JMJD1C: variants seen among roughly 807,000 people sequenced by gnomAD.
The protein encoded by JMJD1C is jumonji domain-containing protein 1C.
In JMJD1C, 31 loss-of-function variants were observed where a neutral mutation model predicts 245.3. The observed-to-expected ratio is 0.13, with a 90% confidence interval of 0.09 to 0.17. The LOEUF (loss-of-function observed/expected upper bound fraction) is 0.17, where lower values mean the gene tolerates loss of function less well. Ranked by LOEUF, JMJD1C falls within the 10% of genes least tolerant of loss-of-function variation. The pLI is 1.00. For synonymous variants in JMJD1C, 1,057 were observed against 1,017.4 expected (o/e 1.04, Z -0.74); for missense variants, 2,691 against 3,000.2 (o/e 0.90, Z 2.41).
chr10:63,442,786 T>C (rs1221882499), intron 1 of JMJD1C, among the ~76,000 whole-genome samples: 1 of 152,240 alleles, frequency 6.6e-6, no homozygotes, highest in Non-Finnish European at 1.5e-5. Context: ...CATTTTCATA[T>C]TGTTCCTTCT....
At position 63,358,321 on chromosome 10, in the gene JMJD1C, A is replaced by G. The variant is rs1409062231; in HGVS notation, c.333+21997T>C. ...TCCTGAGAAATCTAAACATTCTGTTAAATTCTAGTAAATGGCAACTAATTG... is the reference window on the plus strand; with the variant it reads ...TCCTGAGAAATCTAAACATTCTGTTGAATTCTAGTAAATGGCAACTAATTG... On this transcript the variant is annotated intron_variant, in intron 2 of 25. Coordinates refer to ENST00000399262, the MANE Select transcript of JMJD1C (RefSeq NM_032776.3). 9.2e-5 allele frequency among the ~76,000 whole-genome samples: 14 copies of G among 152,316 alleles called. No homozygotes were observed. In the East Asian group the frequency reaches 2.3e-3, roughly 25 times the overall value.
In JMJD1C at chr10:63,301,533, A is replaced by C. The variant is rs192758400; in HGVS notation, c.334-36769T>G. 7.4e-4 allele frequency among the ~76,000 whole-genome samples: 113 copies of C among 152,368 alleles called. No individual in the cohort carries two copies. In the Middle Eastern group the frequency reaches 0.027, roughly 37 times the overall value. ...AGTTCACAAATAAAACAAATGGCTA[A>C]TCATTCTCAGCAAACTAACACAGGA... is the stretch of plus-strand genomic sequence containing the variant. On this transcript the variant is annotated intron_variant, in intron 2 of 25. Coordinates refer to ENST00000399262, the MANE Select transcript of JMJD1C (RefSeq NM_032776.3).
At chr10:63,421,376 C>G (rs192058673) in intron 1 of JMJD1C, among the ~76,000 whole-genome samples, 1 of 152,016 alleles carries the variant, frequency 6.6e-6, no homozygotes, top group African/African-American at 2.4e-5. Flanking sequence ...CTATATAGAG[C>G]AAAGCAAGAA....
At chr10:63,422,828 A>C (rs1950201173) in intron 1 of JMJD1C, among the ~76,000 whole-genome samples, 1 of 152,236 alleles carries the variant, frequency 6.6e-6, no homozygotes, top group African/African-American at 2.4e-5. Context: ...AAAGGTATTC[A>C]CATGTACTTT....
chr10:63,478,613 G>C (rs1953733316), intron 1 of JMJD1C, among the ~76,000 whole-genome samples: 1 of 152,142 alleles, frequency 6.6e-6, no homozygotes, highest in African/African-American at 2.4e-5. Flanking sequence ...AGGGAAGAGG[G>C]GCATAGGAGA....
Position 63,207,176 on chromosome 10 carries a change from T to C in JMJD1C, c.4493A>G (p.Asn1498Ser), listed in dbSNP as rs1846729034. 2 of 1,614,074 alleles carry C rather than the reference T, an allele frequency of 1.2e-6. No homozygotes were observed. Among genetic ancestry groups the C allele is most frequent in the South Asian group, 1.1e-5 (1 of 91,086 alleles). The change falls in exon 10 of 26, where the codon AAT (asparagine) becomes AGT (serine). Residue 1498 changes from asparagine to serine, a missense_variant. This residue lies in a region of JMJD1C where 1,562 missense variants were observed against 1,490.7 expected (regional missense o/e 1.05). Transcript: ENST00000399262. ...AGCATTAGGTTCAGTCTCACTGGCA[T>C]TACTACTTTTATACTGAGCTGCAGC... ...ALAAAQYKSSNASETEPNAIK... is the reference protein window; with the variant it reads ...ALAAAQYKSSSASETEPNAIK...
At chr10:63,337,811 G>A (rs905524262) in intron 2 of JMJD1C, among the ~76,000 whole-genome samples, 4 of 151,954 alleles carry the variant, frequency 2.6e-5, no homozygotes, top group South Asian at 2.1e-4. Context: ...CCAGAGGTAA[G>A]GTATATTTAG....
rs57512471 is a variant in JMJD1C at position 63,405,749 on chromosome 10, T to C, written c.169-25267A>G. On this transcript the variant is annotated intron_variant, in intron 1 of 25. Coordinates refer to ENST00000399262, the MANE Select transcript of JMJD1C (RefSeq NM_032776.3). The stretch of plus-strand genomic sequence containing the variant: ...AAGAAAATGCAGCAGACATTTCCTG[T>C]GAAAGTAGTAACTCTAGTAGTAAAA... Among the ~76,000 whole-genome samples, 594 of 152,306 alleles carry C rather than the reference T, an allele frequency of 3.9e-3. 6 individuals are homozygous for C. The highest frequency in any genetic ancestry group is 0.014 in the African/African-American group (574 of 41,548).
chr10:63,461,335 T>C (rs147410897), intron 1 of JMJD1C, among the ~76,000 whole-genome samples: 1 of 152,268 alleles, frequency 6.6e-6, no homozygotes, highest in African/African-American at 2.4e-5. Context: ...ATTCAACATT[T>C]TGTAAACAGA....
intron 22 of JMJD1C, among the ~76,000 whole-genome samples, chr10:63,182,739 C>A: frequency 6.6e-6 from 1 of 152,148 alleles, no homozygotes; most frequent in Middle Eastern, 3.2e-3. Flanking sequence ...AGAGAAAAGA[C>A]CCCCTTCTTC....
intron 2 of JMJD1C, among the ~76,000 whole-genome samples, chr10:63,331,452 T>C (rs1209357802): frequency 6.6e-6 from 1 of 152,162 alleles, no homozygotes; most frequent in East Asian, 1.9e-4. Flanking sequence ...GCTTGCCCTA[T>C]TTTTTTCACT....
intron 3 of JMJD1C, among the ~76,000 whole-genome samples, chr10:63,231,133 C>T (rs146911033): frequency 2.0e-4 from 31 of 152,150 alleles, no homozygotes; most frequent in African/African-American, 6.8e-4. Flanking sequence ...CACACCAACA[C>T]TCCCCCCTCA....
intron 2 of JMJD1C, among the ~76,000 whole-genome samples, chr10:63,281,839 C>T (rs2133890737): frequency 6.6e-6 from 1 of 152,118 alleles, no homozygotes; most frequent in South Asian, 2.1e-4. Context: ...ACCATTAAAT[C>T]AACTCAACCA....
chr10:63,503,202 A>G (rs1007313715), intron 1 of JMJD1C, among the ~76,000 whole-genome samples: 1 of 152,214 alleles, frequency 6.6e-6, no homozygotes, highest in Non-Finnish European at 1.5e-5. Context: ...TAATACTTCC[A>G]AAATCTAAAT....
At chr10:63,323,648 A>C (rs1564786973) in intron 2 of JMJD1C, among the ~76,000 whole-genome samples, 1 of 152,232 alleles carries the variant, frequency 6.6e-6, no homozygotes, top group Non-Finnish European at 1.5e-5. Context: ...TAAAACTAAA[A>C]AAATTCAAGG....
At chr10:63,464,178 T>C (rs1469851141) in intron 1 of JMJD1C, among the ~76,000 whole-genome samples, 1 of 152,180 alleles carries the variant, frequency 6.6e-6, no homozygotes, top group African/African-American at 2.4e-5. Flanking sequence ...TACATTTCTA[T>C]ACGAAAATAA....
chr10:63,405,512 G>A (rs770575645), intron 1 of JMJD1C, among the ~76,000 whole-genome samples: 42 of 151,852 alleles, frequency 2.8e-4, no homozygotes, highest in Non-Finnish European at 4.9e-4. Context: ...TAATACAGAC[G>A]ACGTTTCACC....
chr10:63,228,275 T>G (rs1055552585), intron 3 of JMJD1C, among the ~76,000 whole-genome samples: 1 of 152,196 alleles, frequency 6.6e-6, no homozygotes, highest in African/African-American at 2.4e-5. Context: ...GTTTCTATAT[T>G]AGCATTCTAT....
chr10:63,317,696 C>T (rs1940266811), intron 2 of JMJD1C, among the ~76,000 whole-genome samples: 1 of 152,130 alleles, frequency 6.6e-6, no homozygotes, highest in Non-Finnish European at 1.5e-5. Flanking sequence ...CCTCCAACAC[C>T]AGAATGCCAA....
Sources: gnomAD v4.1 joint callset for allele counts (sites outside exome capture counted in the v4.1 genomes callset) on GRCh38, gnomAD v4.1.1 for gene constraint, gnomAD v4.1.1 regional missense constraint, MANE v1.5 for transcripts, NCBI Gene and HGNC (gene_info 2026-07-23, HGNC 2026-07-21) for gene names.